Variants in NCAM2 observed in about 807,000 individuals in gnomAD.
NCAM2 encodes neural cell adhesion molecule 2.
A neutral mutation model predicts 98.1 loss-of-function variants in NCAM2; 30 were observed. That is an observed-to-expected ratio of 0.31 (90% CI 0.23 to 0.41). The LOEUF is 0.41. Among genes scored for constraint, NCAM2 ranks in the 10% least tolerant of loss-of-function variants. The pLI is 1.00. For missense variants in NCAM2, 867 were observed against 1,005.8 expected, an observed-to-expected ratio of 0.86 and a Z score of 1.87; for synonymous variants, 368 against 342.4, an observed-to-expected ratio of 1.07 and a Z score of -0.83.
chr21:21,368,966 G>GAC (rs1317624821), intron 8 of NCAM2, among the ~76,000 whole-genome samples: 5 of 151,664 alleles, frequency 3.3e-5, no homozygotes, highest in African/African-American at 1.2e-4. Flanking sequence ...TTTTCACAGT[G>GAC]TTATTTATGT....
intron 1 of NCAM2, among the ~76,000 whole-genome samples, chr21:21,102,465 A>G (rs2066262525): frequency 6.6e-6 from 1 of 151,960 alleles, no homozygotes. Flanking sequence ...GGCGCATACA[A>G]GTATATTTGG....
intron 8 of NCAM2, among the ~76,000 whole-genome samples, chr21:21,372,577 T>C (rs2075944274): frequency 2.0e-5 from 3 of 151,848 alleles, no homozygotes; most frequent in Admixed American, 1.3e-4. Context: ...AATGCGTTTC[T>C]GTAGCACAAA....
chr21:21,389,172 G>A (rs954453087), intron 9 of NCAM2, among the ~76,000 whole-genome samples: 4 of 152,210 alleles, frequency 2.6e-5, no homozygotes, highest in African/African-American at 9.7e-5. Flanking sequence ...CATGGGTGGG[G>A]GGAAGCCTTA....
At chr21:21,524,008 A>C (rs1304159706) in intron 16 of NCAM2, among the ~76,000 whole-genome samples, 8 of 149,086 alleles carry the variant, frequency 5.4e-5, no homozygotes, top group Non-Finnish European at 1.5e-5. Context: ...CAGAGTAAAT[A>C]AAAAAAAACG....
intron 1 of NCAM2, chr21:21,147,263 G>A: frequency 5.1e-6 from 5 of 984,352 alleles, no homozygotes; most frequent in Non-Finnish European, 6.0e-6. Context: ...TAAATATTCA[G>A]AGATGTGTCA....
At chr21:21,135,264 ACT>A (rs1394283647) in intron 1 of NCAM2, among the ~76,000 whole-genome samples, 4 of 150,640 alleles carry the variant, frequency 2.7e-5, no homozygotes, top group African/African-American at 9.7e-5. Context: ...AAAAAAAAAA[ACT>A]TCTGAACTCA....
chr21:21,118,257 G>C (rs1483563264), intron 1 of NCAM2, among the ~76,000 whole-genome samples: 1 of 152,170 alleles, frequency 6.6e-6, no homozygotes, highest in Admixed American at 6.5e-5. Context: ...CAAGAAGCTA[G>C]GCATAGGCGT....
intron 1 of NCAM2, among the ~76,000 whole-genome samples, chr21:21,239,619 G>A (rs1210221509): frequency 1.3e-5 from 2 of 152,064 alleles, no homozygotes; most frequent in African/African-American, 4.8e-5. Context: ...CATGGTCATG[G>A]AGTTAGTGGC....
intron 5 of NCAM2, among the ~76,000 whole-genome samples, chr21:21,293,954 T>C (rs2147590851): frequency 6.6e-6 from 1 of 151,686 alleles, no homozygotes; most frequent in South Asian, 2.1e-4. Flanking sequence ...ATTATTGTTA[T>C]TATATATACA....
intron 12 of NCAM2, among the ~76,000 whole-genome samples, chr21:21,450,540 G>A (rs1472127576): frequency 6.6e-6 from 1 of 151,810 alleles, no homozygotes. Context: ...GTGTTGCTCA[G>A]GATGGTCTCA....
At chr21:21,445,935 C>T (rs779649045) in intron 12 of NCAM2, among the ~76,000 whole-genome samples, 100 of 152,224 alleles carry the variant, frequency 6.6e-4, no homozygotes, top group Non-Finnish European at 6.0e-4. Flanking sequence ...TGTCATTGGT[C>T]TTTATATTTT....
At chr21:21,464,394 G>A (rs970769793) in intron 12 of NCAM2, among the ~76,000 whole-genome samples, 1 of 152,072 alleles carries the variant, frequency 6.6e-6, no homozygotes, top group Non-Finnish European at 1.5e-5. Context: ...TGGGGCGTAT[G>A]AGCCTAGCTC....
intron 5 of NCAM2, among the ~76,000 whole-genome samples, chr21:21,310,013 A>G (rs904800674): frequency 1.3e-5 from 2 of 152,166 alleles, no homozygotes; most frequent in African/African-American, 2.4e-5. Flanking sequence ...TTTTAGATAT[A>G]TGTTTCAGTA....
intron 1 of NCAM2, among the ~76,000 whole-genome samples, chr21:21,137,833 C>T (rs2826683): frequency 0.42 from 62,809 of 151,122 alleles, 13,543 homozygotes; most frequent in African/African-American, 0.54. Flanking sequence ...TGAAAGCAGT[C>T]GTCACTTCAT....
chr21:21,420,886 C>T (rs965574582), intron 11 of NCAM2, among the ~76,000 whole-genome samples: 1 of 151,736 alleles, frequency 6.6e-6, no homozygotes, highest in Non-Finnish European at 1.5e-5. Context: ...TAATTCTCAC[C>T]AAAATGCATA....
In NCAM2 at chr21:21,488,610, T is replaced by G. The variant is rs533884347; in HGVS notation, c.2077+11139T>G. ...AATACAATAATACAATATATTTGGG[T>G]CTAGCTTTCAAGACTAATAGCCAGT... On this transcript the variant is annotated intron_variant, in intron 15 of 17. Transcript: ENST00000400546. 4.5e-4 allele frequency among the ~76,000 whole-genome samples: 68 copies of G among 152,104 alleles called. 2 individuals carry two copies. In the South Asian group the frequency reaches 0.012, roughly 26 times the overall value.
chr21:21,200,295 A>G lies in NCAM2; in HGVS notation c.56-80283A>G, dbSNP rs144743762. ...AATGGACTTGCATGGGTCACAACAC[A>G]TCCTTCATACCAGGAAACGCTGCGT... On this transcript the variant is annotated intron_variant, in intron 1 of 17. Transcript: ENST00000400546. 7.8e-4 allele frequency among the ~76,000 whole-genome samples: 119 copies of G among 151,984 alleles called. 1 individual carries two copies. In the East Asian group the frequency reaches 0.021, roughly 27 times the overall value.
At chr21:21,334,363 T>A (rs1270401988) in intron 6 of NCAM2, among the ~76,000 whole-genome samples, 5 of 152,202 alleles carry the variant, frequency 3.3e-5, no homozygotes, top group Non-Finnish European at 7.3e-5. Context: ...TATAGACATA[T>A]AAAGATTATG....
intron 1 of NCAM2, among the ~76,000 whole-genome samples, chr21:21,265,770 G>A (rs1008425171): frequency 1.3e-5 from 2 of 151,700 alleles, no homozygotes; most frequent in Non-Finnish European, 2.9e-5. Flanking sequence ...AAGGAGAGGG[G>A]GAAATGTGTT....
Sources: allele counts gnomAD v4.1 joint callset (sites outside exome capture counted in the v4.1 genomes callset), GRCh38; gene constraint gnomAD v4.1.1; transcripts MANE v1.5; gene names NCBI Gene and HGNC (gene_info 2026-07-23, HGNC 2026-07-21).